SYT9: variants seen among roughly 807,000 people sequenced by gnomAD.
SYT9 encodes synaptotagmin 9.
Under a neutral mutation model 48.4 loss-of-function variants are expected in SYT9, and 22 were observed. The ratio of observed to expected loss-of-function variants is 0.45; its 90% CI spans 0.32 to 0.65. The LOEUF is 0.65. Among genes scored for constraint, SYT9 ranks in the 30% least tolerant of loss-of-function variants. The probability of loss-of-function intolerance (pLI) is 0.03; values close to 1 mark genes in which losing one functional copy is unlikely to be tolerated. For missense variants in SYT9, 577 were observed against 622.0 expected (o/e 0.93, Z 0.77); for synonymous variants, 265 against 245.0 (o/e 1.08, Z -0.76).
intron 3 of SYT9, among the ~76,000 whole-genome samples, chr11:7,345,116 A>C (rs1849777479): frequency 6.6e-6 from 1 of 152,166 alleles, no homozygotes; most frequent in African/African-American, 2.4e-5. Context: ...AATATTTTCT[A>C]AGACAGGTCT....
chr11:7,413,621 T>A lies in SYT9; in HGVS notation c.1045-2421T>A, dbSNP rs151303056. ...GCTACATTGCTTCCATTTCCTCTGT[T>A]ACCTTTGGTGCTTCCTGTCACTTTT... On this transcript the variant is annotated intron_variant, in intron 3 of 6. Coordinates refer to ENST00000318881, the MANE Select transcript of SYT9 (RefSeq NM_175733.4). Among the ~76,000 whole-genome samples, 289 of 152,336 alleles carry A rather than the reference T, an allele frequency of 1.9e-3. 1 individual carries two copies. Among genetic ancestry groups the A allele is most frequent in the African/African-American group, 6.7e-3 (278 of 41,568 alleles).
intron 3 of SYT9, among the ~76,000 whole-genome samples, chr11:7,377,618 G>A (rs1039726225): frequency 1.3e-4 from 20 of 152,096 alleles, no homozygotes; most frequent in Admixed American, 4.6e-4. Flanking sequence ...AAAGGTGAGA[G>A]GCAAGGCCAT....
chr11:7,297,546 AAAC>A (rs1007550429), intron 1 of SYT9, among the ~76,000 whole-genome samples: 49 of 152,202 alleles, frequency 3.2e-4, no homozygotes, highest in Admixed American at 3.1e-3. Context: ...ATGGTGTTTT[AAAC>A]CCAATCACGT....
At chr11:7,438,430 G>A (rs1590030044) in intron 6 of SYT9, 1 of 152,324 alleles carries the variant, frequency 6.6e-6, no homozygotes, top group East Asian at 1.9e-4. Context: ...GGATTCAGAG[G>A]CAGCCATGTG....
At position 7,424,668 on chromosome 11, in the gene SYT9, G is replaced by T. The variant is rs555687844; in HGVS notation, c.1467+4033G>T. 2.6e-5 allele frequency among the ~76,000 whole-genome samples: 4 copies of T among 152,308 alleles called. No individual in the cohort carries two copies. The East Asian group carries it at 7.7e-4, about 29-fold the overall frequency. On this transcript the variant is annotated intron_variant, in intron 6 of 6. Transcript: ENST00000318881. ...TTTCACTTTTCTAAAAGAAGAAAGAGAATCCGATCAGAATATATAGTCAAG... is the reference window on the plus strand; with the variant it reads ...TTTCACTTTTCTAAAAGAAGAAAGATAATCCGATCAGAATATATAGTCAAG...
intron 3 of SYT9, among the ~76,000 whole-genome samples, chr11:7,348,196 C>T (rs1416344073): frequency 3.3e-5 from 5 of 152,204 alleles, no homozygotes; most frequent in Non-Finnish European, 5.9e-5. Flanking sequence ...CCTTCAAAGA[C>T]ATATACAACT....
upstream of SYT9, among the ~76,000 whole-genome samples, chr11:7,247,474 C>G (rs867390084): frequency 6.7e-6 from 1 of 148,998 alleles, no homozygotes; most frequent in South Asian, 2.1e-4. Context: ...TATATATATA[C>G]ATATATATAT....
At chr11:7,353,020 T>C (rs752604591) in intron 3 of SYT9, among the ~76,000 whole-genome samples, 24 of 152,192 alleles carry the variant, frequency 1.6e-4, no homozygotes, top group Non-Finnish European at 3.1e-4. Context: ...TAAGTAAATA[T>C]ACATATATGG....
At chr11:7,441,959 C>G (rs1310121384) in intron 6 of SYT9, among the ~76,000 whole-genome samples, 1 of 152,036 alleles carries the variant, frequency 6.6e-6, no homozygotes, top group South Asian at 2.1e-4. Flanking sequence ...CCACAGGCAC[C>G]CTGTTTCTTC....
intron 6 of SYT9, among the ~76,000 whole-genome samples, chr11:7,431,242 GT>G (rs1463206630): frequency 1.3e-5 from 2 of 152,232 alleles, no homozygotes; most frequent in Non-Finnish European, 2.9e-5. Context: ...GTTGTATTGT[GT>G]CCATACCTTA....
At chr11:7,352,766 C>T (rs1849942204) in intron 3 of SYT9, among the ~76,000 whole-genome samples, 1 of 152,120 alleles carries the variant, frequency 6.6e-6, no homozygotes, top group African/African-American at 2.4e-5. Flanking sequence ...ATGTGAAATA[C>T]ACAGAGATTA....
At position 7,383,277 on chromosome 11, in the gene SYT9, G is replaced by A. The variant is rs1439784603; in HGVS notation, c.1045-32765G>A. On this transcript the variant is annotated intron_variant, in intron 3 of 6. Coordinates refer to ENST00000318881, the MANE Select transcript of SYT9 (RefSeq NM_175733.4). ...GTTTCTTGCTGTTGCCTCTCACAAT[G>A]GTTTTTGCTTTAGAAAGAGGCTCTG... 3.9e-5 allele frequency among the ~76,000 whole-genome samples: 6 copies of A among 152,142 alleles called. No homozygotes were observed. In the East Asian group the frequency reaches 1.2e-3, roughly 29 times the overall value.
Position 7,252,205 on chromosome 11 carries a change from G to C in SYT9, c.19G>C (p.Ala7Pro). The C allele has an allele frequency of 6.8e-7, 1 of 1,471,110 alleles. No individual in the cohort carries two copies. The highest frequency in any genetic ancestry group is 1.3e-5 in the South Asian group (1 of 75,078). The allele number at this position is 1,471,110 out of a possible 1,614,324, so 91.1% of individuals were successfully genotyped here. ...GGGGGCGATGCCCGGGGCCAGGGAC[G>C]CGCTCTGTCACCAGGCGCTGCAGCT... MPGARD[A>P]LCHQALQLLA... Residue 7 changes from alanine to proline, a missense_variant, in exon 1 of 7, where the codon GCG (alanine) becomes CCG (proline). Coordinates refer to ENST00000318881, the MANE Select transcript of SYT9 (RefSeq NM_175733.4). The surrounding 1 kb of genome is among the most constrained non-coding windows in gnomAD (Gnocchi z 6.3).
At chr11:7,339,640 G>C (rs1262684157) in intron 3 of SYT9, among the ~76,000 whole-genome samples, 1 of 152,136 alleles carries the variant, frequency 6.6e-6, no homozygotes, top group Non-Finnish European at 1.5e-5. Context: ...TGAAATTCCT[G>C]GTTGAAGATT....
At chr11:7,381,905 A>G (rs538332407) in intron 3 of SYT9, among the ~76,000 whole-genome samples, 1 of 152,280 alleles carries the variant, frequency 6.6e-6, no homozygotes, top group East Asian at 1.9e-4. Context: ...CCTTCCAGCC[A>G]CTGGTACTCC....
intron 1 of SYT9, among the ~76,000 whole-genome samples, chr11:7,300,298 C>A (rs1264004229): frequency 6.6e-6 from 1 of 152,206 alleles, no homozygotes; most frequent in Non-Finnish European, 1.5e-5. Context: ...CTCATTATGG[C>A]AGTCAGGCTG....
chr11:7,451,201 CATGCACTGAATAAT>C lies in SYT9; in HGVS notation c.1468-15583_1468-15570del, dbSNP rs1445026080. ...TTTCTAAACCCAGTAGGACATAGGA[CATGCACTGAATAAT>C]ATGCACTAAAATTTATTAACAGAAA... On this transcript the variant is annotated intron_variant, in intron 6 of 6. Transcript: ENST00000318881. Among the ~76,000 whole-genome samples the C allele has an allele frequency of 4.6e-5, 7 of 152,196 alleles. 1 individual carries two copies. Among genetic ancestry groups the C allele is most frequent in the Admixed American group, 2.0e-4 (3 of 15,280 alleles).
chr11:7,415,916 T>G (rs12290476), intron 3 of SYT9, 126 bp from the exon 4 acceptor site: 35,595 of 1,162,462 alleles, frequency 0.031, 687 homozygotes, highest in Non-Finnish European at 0.036. Flanking sequence ...ACGGAAGAGA[T>G]ACCAGGGATT....
intron 1 of SYT9, among the ~76,000 whole-genome samples, chr11:7,281,528 A>G (rs1309165818): frequency 6.6e-6 from 1 of 152,226 alleles, no homozygotes; most frequent in African/African-American, 2.4e-5. Context: ...CCTGTTCTGT[A>G]AAAGGGTATT....
Sources: allele counts gnomAD v4.1 joint callset (sites outside exome capture counted in the v4.1 genomes callset), GRCh38; gene constraint gnomAD v4.1.1; non-coding constraint Gnocchi (gnomAD v3.1); transcripts MANE v1.5; gene names NCBI Gene and HGNC (gene_info 2026-07-23, HGNC 2026-07-21).